The following B4GALT2 variants were observed in gnomAD, a reference collection of about 807,000 sequenced individuals.
B4GALT2 encodes the protein N-acetyllactosamine synthase.
A neutral mutation model predicts 33.2 loss-of-function variants in B4GALT2; 18 were observed. The ratio of observed to expected loss-of-function variants is 0.54; its 90% CI spans 0.38 to 0.80. B4GALT2 has a LOEUF of 0.80. Among genes scored for constraint, B4GALT2 ranks in the 30% least tolerant of loss-of-function variants. B4GALT2 has a pLI of 0.00. For missense variants in B4GALT2, 404 were observed against 526.2 expected (o/e 0.77, Z 2.27); for synonymous variants, 214 against 217.6 (o/e 0.98, Z 0.15).
intron 6 of B4GALT2, among the ~76,000 whole-genome samples, chr1:43,987,123 G>A (rs1261839542): frequency 6.6e-6 from 1 of 152,110 alleles, no homozygotes; most frequent in African/African-American, 2.4e-5. Flanking sequence ...GAGGAGAGGG[G>A]CTTCAGGGCA....
rs938760785 is a variant in B4GALT2 at position 43,990,790 on chromosome 1, TCCC to T, written c.*347_*349del. 1.0e-5 allele frequency: 3 copies of T among 293,088 alleles called. No homozygotes were observed. Among genetic ancestry groups the T allele is most frequent in the Non-Finnish European group, 2.0e-5 (3 of 151,696 alleles). The allele number at this position is 293,088 out of a possible 1,614,324, so 18.2% of individuals were successfully genotyped here. Reference sequence around the variant, plus strand: ...CACTCCACCTCTCTGTGCCTCAGTTTCCCCCCCTTGAGTCCCCTAGGGCCTGGA... The same window carrying T: ...CACTCCACCTCTCTGTGCCTCAGTTTCCCCTTGAGTCCCCTAGGGCCTGGA... On this transcript the variant is annotated 3_prime_UTR_variant, in exon 7 of 7. Transcript: ENST00000372324.
Position 43,981,586 on chromosome 1 carries a change from G to A in B4GALT2, c.314-103G>A. 6.5e-7 allele frequency: 1 copy of A among 1,530,716 alleles called. No homozygotes were observed. Among genetic ancestry groups the A allele is most frequent in the East Asian group, 2.3e-5 (1 of 44,042 alleles). The allele number at this position is 1,530,716 out of a possible 1,614,324, so 94.8% of individuals were successfully genotyped here. A position where few individuals can be genotyped will look rare whatever the true frequency, so the allele number is the denominator to read the frequency against. On this transcript the variant is annotated intron_variant, in intron 2 of 6. Transcript: ENST00000372324. This position sits in a 1 kb window ranked among gnomAD's most constrained non-coding sequence, Gnocchi z 8.1. Reference sequence around the variant, plus strand: ...CAGGGGTCCAGGTCTGTTGTAAGAGGGCTATTCTTGGGGTTCCCTAGCCCA... The same window carrying A: ...CAGGGGTCCAGGTCTGTTGTAAGAGAGCTATTCTTGGGGTTCCCTAGCCCA...
chr1:43,989,049 T>G (rs768689280), intron 6 of B4GALT2, among the ~76,000 whole-genome samples: 1 of 151,966 alleles, frequency 6.6e-6, no homozygotes, highest in Non-Finnish European at 1.5e-5. Flanking sequence ...GGTGTTAACT[T>G]AAAAATCACT....
Position 43,984,547 on chromosome 1 carries a change from AGT to A in B4GALT2, c.550-314_550-313del, listed in dbSNP as rs1383158810. Among the ~76,000 whole-genome samples, 3 of 152,218 alleles carry A rather than the reference AGT, an allele frequency of 2.0e-5. No homozygotes were observed. The highest frequency in any genetic ancestry group is 1.5e-5 in the Non-Finnish European group (1 of 68,022). ...GGTCAGGGGAGCCGCTCCAGCCCTG[AGT>A]GTGACAAGCACAGGTACTGCTAACC... On this transcript the variant is annotated intron_variant, in intron 3 of 6. Coordinates refer to ENST00000372324, the MANE Select transcript of B4GALT2 (RefSeq NM_003780.5). This position sits in a 1 kb window ranked among gnomAD's most constrained non-coding sequence, Gnocchi z 5.6.
At chr1:43,987,716 C>T (rs2085674559) in intron 6 of B4GALT2, among the ~76,000 whole-genome samples, 1 of 152,232 alleles carries the variant, frequency 6.6e-6, no homozygotes, top group South Asian at 2.1e-4. Flanking sequence ...AGCCTTTACA[C>T]ATTTCATTCT....
intron 6 of B4GALT2, chr1:43,986,132 C>T (rs79328293): frequency 1.8e-5 from 3 of 163,368 alleles, no homozygotes; most frequent in Non-Finnish European, 4.0e-5. Flanking sequence ...AGGAGGTAGC[C>T]ACATTTGGTA....
intron 1 of B4GALT2, among the ~76,000 whole-genome samples, chr1:43,980,867 G>A (rs1291526730): frequency 6.6e-6 from 1 of 152,206 alleles, no homozygotes; most frequent in Non-Finnish European, 1.5e-5. Context: ...GTGAGGTGGA[G>A]GAAGGTAAAT....
chr1:43,979,735 G>A lies in B4GALT2; in HGVS notation c.-53+224G>A. 2.7e-6 allele frequency: 1 copy of A among 368,792 alleles called. No individual in the cohort carries two copies. The highest frequency in any genetic ancestry group is 5.0e-6 in the Non-Finnish European group (1 of 200,418). The allele number at this position is 368,792 out of a possible 1,614,324, so 22.8% of individuals were successfully genotyped here. ...CCGGCCTCCCTCATTGTCCTCGCTCGCCCCGGCCTCGTGGCGCGGGGAGGC... is the reference window on the plus strand; with the variant it reads ...CCGGCCTCCCTCATTGTCCTCGCTCACCCCGGCCTCGTGGCGCGGGGAGGC... On this transcript the variant is annotated intron_variant, in intron 1 of 6. Transcript: ENST00000372324. This position sits in a 1 kb window ranked among gnomAD's most constrained non-coding sequence, Gnocchi z 4.8.
intron 6 of B4GALT2, among the ~76,000 whole-genome samples, chr1:43,989,646 C>T (rs568164188): frequency 1.4e-3 from 212 of 152,246 alleles, no homozygotes; most frequent in African/African-American, 4.7e-3. Context: ...GCAGTTAGGC[C>T]CCATACGTCA....
rs945981308 is a variant in B4GALT2, at chr1:43,980,259, C to A, written c.-53+748C>A. On this transcript the variant is annotated intron_variant, in intron 1 of 6. Transcript: ENST00000372324. The stretch of plus-strand genomic sequence containing the variant: ...CCATCGCCCAGGCAAGACCCCCTTC[C>A]TGCCATGCCCAGTGCTGTGCCCATC... 1.5e-5 allele frequency: 8 copies of A among 530,698 alleles called. No homozygotes were observed. The African/African-American group carries it at 1.6e-4, about 11-fold the overall frequency. The allele number at this position is 530,698 out of a possible 1,614,324, so 32.9% of individuals were successfully genotyped here.
Position 43,981,387 on chromosome 1 carries a change from G to A in B4GALT2, c.227G>A (p.Ser76Asn). The A allele has an allele frequency of 6.3e-7, 1 of 1,598,726 alleles. No homozygotes were observed. Among genetic ancestry groups the A allele is most frequent in the Non-Finnish European group, 8.5e-7 (1 of 1,179,758 alleles). Residue 76 changes from serine (S) to asparagine (N), a missense_variant, in exon 2 of 7, where the codon AGC becomes AAC. Transcript: ENST00000372324. This position sits in a 1 kb window ranked among gnomAD's most constrained non-coding sequence, Gnocchi z 8.1. ...TCCCGGCCCAACGCCACCGCCTCTA[G>A]CTCCGGGCTCCCTGAGGTCCCCAGT... The part of the protein sequence containing the change: ...NCSRPNATAS[S>N]SGLPEVPSAL...
intron 6 of B4GALT2, among the ~76,000 whole-genome samples, chr1:43,987,898 C>T (rs730916): frequency 7.9e-5 from 12 of 152,210 alleles, no homozygotes; most frequent in Admixed American, 7.2e-4. Context: ...CTGACCTCTA[C>T]CTGGAGTGCT....
chr1:43,984,377 C>A lies in B4GALT2; in HGVS notation c.550-488C>A, dbSNP rs1014228488. On this transcript the variant is annotated intron_variant, in intron 3 of 6. Coordinates refer to ENST00000372324, the MANE Select transcript of B4GALT2 (RefSeq NM_003780.5). This position sits in a 1 kb window ranked among gnomAD's most constrained non-coding sequence, Gnocchi z 5.6. The stretch of plus-strand genomic sequence containing the variant: ...GACCAGGGCTGGCCATCTCCAGAAT[C>A]CCCGCTAGCACAAAGGAGAGAGCGC... Among the ~76,000 whole-genome samples, 1 of 152,250 alleles carries A rather than the reference C, an allele frequency of 6.6e-6. No homozygotes were observed. Among genetic ancestry groups the A allele is most frequent in the Non-Finnish European group, 1.5e-5 (1 of 68,044 alleles).
Position 43,981,140 on chromosome 1 carries a change from G to T in B4GALT2, c.-21G>T, listed in dbSNP as rs375329179. 1 of 1,596,454 alleles carries T rather than the reference G, an allele frequency of 6.3e-7. No homozygotes were observed. The highest frequency in any genetic ancestry group is 1.1e-5 in the South Asian group (1 of 90,902). ...AGCCGGATGCCCGGGCCCACTGGGCGGGCCAGTGGCCGCCTGCGGGATGAG... is the reference window on the plus strand; with the variant it reads ...AGCCGGATGCCCGGGCCCACTGGGCTGGCCAGTGGCCGCCTGCGGGATGAG... On this transcript the variant is annotated 5_prime_UTR_variant, in exon 2 of 7. Transcript: ENST00000372324. This position sits in a 1 kb window ranked among gnomAD's most constrained non-coding sequence, Gnocchi z 8.1.
At chr1:43,985,675 C>A in intron 6 of B4GALT2, 54 bp downstream of exon 6, 2 of 1,545,440 alleles carry the variant, frequency 1.3e-6, no homozygotes, top group East Asian at 2.2e-5. Flanking sequence ...CCAATATCCC[C>A]AACTCTTGAC....
chr1:43,990,480 A>T lies in B4GALT2; in HGVS notation c.*32A>T. 1 of 1,612,976 alleles carries T rather than the reference A, an allele frequency of 6.2e-7. No homozygotes were observed. The highest frequency in any genetic ancestry group is 2.2e-5 in the East Asian group (1 of 44,862). ...TGGACAGAGGCTCTCGGTGCCGAAG[A>T]TTGCCTGCCAGAGGACTGACCACAG... On this transcript the variant is annotated 3_prime_UTR_variant, in exon 7 of 7. Coordinates refer to ENST00000372324, the MANE Select transcript of B4GALT2 (RefSeq NM_003780.5).
Position 43,990,654 on chromosome 1 carries a change from C to T in B4GALT2, c.*206C>T, listed in dbSNP as rs561644698. 6 of 677,070 alleles carry T rather than the reference C, an allele frequency of 8.9e-6. No individual in the cohort carries two copies. The highest frequency in any genetic ancestry group is 1.8e-5 in the African/African-American group (1 of 55,316). The allele number at this position is 677,070 out of a possible 1,614,324, so 41.9% of individuals were successfully genotyped here. On this transcript the variant is annotated 3_prime_UTR_variant, in exon 7 of 7. Transcript: ENST00000372324. ...GCCTGGGCAGGCTCTTCAAGTGTGG[C>T]CCTCTTTGGAGTCAACCCTCCTTCC...
At chr1:43,987,569 T>C (rs559951592) in intron 6 of B4GALT2, among the ~76,000 whole-genome samples, 56 of 152,264 alleles carry the variant, frequency 3.7e-4, no homozygotes, top group Non-Finnish European at 6.2e-4. Flanking sequence ...CTAAAACATA[T>C]TTGAGTCCAT....
At chr1:43,988,244 C>T (rs549690053) in intron 6 of B4GALT2, among the ~76,000 whole-genome samples, 1 of 151,770 alleles carries the variant, frequency 6.6e-6, no homozygotes, top group South Asian at 2.1e-4. Flanking sequence ...CACACCGTGG[C>T]TCATGTCTGT....
Sources: allele counts gnomAD v4.1 joint callset (sites outside exome capture counted in the v4.1 genomes callset), GRCh38; gene constraint gnomAD v4.1.1; non-coding constraint Gnocchi (gnomAD v3.1); transcripts MANE v1.5; gene names NCBI Gene and HGNC (gene_info 2026-07-23, HGNC 2026-07-21).